Variants in IKBKB-DT observed in about 807,000 individuals in gnomAD.
The protein encoded by IKBKB-DT is IKBKB antisense RNA.
At chr8:42,250,120 G>A (rs1807113721) in intron 3 of IKBKB-DT, among the ~76,000 whole-genome samples, 1 of 152,206 alleles carries the variant, frequency 6.6e-6, no homozygotes, top group South Asian at 2.1e-4. Flanking sequence ...GTCTCCTAGG[G>A]CATTTGGGGG....
rs149316919 is a variant in IKBKB-DT, at chr8:42,267,344, A to G, written n.604-948T>C. Among the ~76,000 whole-genome samples, 27 of 152,070 alleles carry G rather than the reference A, an allele frequency of 1.8e-4. 1 individual carries two copies. The highest frequency in any genetic ancestry group is 6.5e-4 in the African/African-American group (27 of 41,494). On this transcript the variant is annotated intron_variant and non_coding_transcript_variant, in intron 1 of 3. Coordinates refer to ENST00000518213, the Ensembl canonical transcript of IKBKB-DT. The stretch of plus-strand genomic sequence containing the variant: ...CTTTCACTTTACTGACTCGCCCTGA[A>G]TTCTTTCTTGCGCGAGATCCAAGAA...
exon 1 of IKBKB-DT, chr8:42,271,223 C>A (rs2129959423): frequency 4.7e-6 from 3 of 641,756 alleles, no homozygotes; most frequent in Non-Finnish European, 8.5e-6. Context: ...GGGACAGGCG[C>A]AGCACTCGCA....
intron 3 of IKBKB-DT, among the ~76,000 whole-genome samples, chr8:42,237,119 C>T (rs902897308): frequency 6.6e-6 from 1 of 151,406 alleles, no homozygotes; most frequent in African/African-American, 2.4e-5. Context: ...GATGGAGTCT[C>T]ACTGTTGCCC....
chr8:42,236,241 T>A (rs1806920290), intron 3 of IKBKB-DT, among the ~76,000 whole-genome samples: 1 of 151,856 alleles, frequency 6.6e-6, no homozygotes, highest in Admixed American at 6.6e-5. Context: ...CCTCCAGCAA[T>A]CCACCCACCT....
intron 3 of IKBKB-DT, among the ~76,000 whole-genome samples, chr8:42,244,299 C>T (rs530965840): frequency 2.2e-4 from 34 of 152,206 alleles, no homozygotes; most frequent in African/African-American, 8.2e-4. Flanking sequence ...GTCAGTTATC[C>T]TATTTGGGAG....
At chr8:42,238,437 C>T (rs745731472) in intron 3 of IKBKB-DT, among the ~76,000 whole-genome samples, 22 of 152,158 alleles carry the variant, frequency 1.4e-4, no homozygotes, top group Non-Finnish European at 2.8e-4. Flanking sequence ...CTGACCCCCT[C>T]CTTGTTCAGG....
At chr8:42,268,083 T>C (rs1193224746) in intron 1 of IKBKB-DT, among the ~76,000 whole-genome samples, 2 of 151,798 alleles carry the variant, frequency 1.3e-5, no homozygotes, top group Non-Finnish European at 2.9e-5. Flanking sequence ...GACATTGTAC[T>C]GGAAATGGAC....
At chr8:42,240,414 G>A (rs1418409414) in intron 3 of IKBKB-DT, among the ~76,000 whole-genome samples, 1 of 151,696 alleles carries the variant, frequency 6.6e-6, no homozygotes, top group Non-Finnish European at 1.5e-5. Flanking sequence ...CACGAGGTCA[G>A]GAGATCGAGA....
chr8:42,245,092 C>CA (rs1308680238), intron 3 of IKBKB-DT, among the ~76,000 whole-genome samples: 1,463 of 139,876 alleles, frequency 0.01, 24 homozygotes, highest in African/African-American at 0.034. Context: ...TACTAAAATA[C>CA]AAAAAAAAAA....
chr8:42,244,241 A>G (rs894677982), intron 3 of IKBKB-DT, among the ~76,000 whole-genome samples: 3 of 152,236 alleles, frequency 2.0e-5, no homozygotes, highest in Non-Finnish European at 2.9e-5. Context: ...GAATGGATTA[A>G]TTATTTTTAA....
chr8:42,248,537 A>T (rs1807089813), intron 3 of IKBKB-DT, among the ~76,000 whole-genome samples: 1 of 152,154 alleles, frequency 6.6e-6, no homozygotes, highest in African/African-American at 2.4e-5. Context: ...TTTCACAAAC[A>T]TTTTCCATAA....
At chr8:42,240,603 C>A (rs1476136330) in intron 3 of IKBKB-DT, among the ~76,000 whole-genome samples, 3 of 119,624 alleles carry the variant, frequency 2.5e-5, no homozygotes, top group African/African-American at 1.0e-4. Context: ...CCAGCCTGAG[C>A]GACAGAGCAA....
At chr8:42,237,089 TTTTG>T (rs938252332) in intron 3 of IKBKB-DT, among the ~76,000 whole-genome samples, 10 of 151,150 alleles carry the variant, frequency 6.6e-5, no homozygotes, top group African/African-American at 2.2e-4. Flanking sequence ...AGTTTTTTTT[TTTTG>T]TTTGTTTGTT....
chr8:42,243,934 T>G (rs1212930282), intron 3 of IKBKB-DT, among the ~76,000 whole-genome samples: 1 of 152,206 alleles, frequency 6.6e-6, no homozygotes, highest in African/African-American at 2.4e-5. Flanking sequence ...ACTCAGATGA[T>G]GTAGGATCAC....
At chr8:42,247,298 C>T (rs980951786) in intron 3 of IKBKB-DT, among the ~76,000 whole-genome samples, 2 of 152,164 alleles carry the variant, frequency 1.3e-5, no homozygotes, top group Admixed American at 6.5e-5. Context: ...TTAATGACTG[C>T]CCTGCTGGAT....
chr8:42,250,438 T>C (rs1456173554), intron 3 of IKBKB-DT, among the ~76,000 whole-genome samples: 1 of 151,728 alleles, frequency 6.6e-6, no homozygotes, highest in Middle Eastern at 3.2e-3. Flanking sequence ...TGGCTGCCAA[T>C]CATTTACATC....
intron 3 of IKBKB-DT, among the ~76,000 whole-genome samples, chr8:42,237,649 A>G (rs932395236): frequency 1.3e-5 from 2 of 152,092 alleles, no homozygotes; most frequent in African/African-American, 4.8e-5. Flanking sequence ...AGTAAAGGCC[A>G]AGTGGGGGAC....
At chr8:42,252,328 C>T (rs1378976581) in intron 3 of IKBKB-DT, among the ~76,000 whole-genome samples, 1 of 152,206 alleles carries the variant, frequency 6.6e-6, no homozygotes, top group Non-Finnish European at 1.5e-5. Flanking sequence ...GGATGACCCA[C>T]TCAGGAGTCC....
At chr8:42,245,327 T>G (rs990742783) in intron 3 of IKBKB-DT, among the ~76,000 whole-genome samples, 1 of 152,188 alleles carries the variant, frequency 6.6e-6, no homozygotes, top group African/African-American at 2.4e-5. Context: ...TGGGAATACC[T>G]CACCCCCATG....
Sources: allele counts gnomAD v4.1 joint callset (sites outside exome capture counted in the v4.1 genomes callset), GRCh38; gene constraint gnomAD v4.1.1; transcripts MANE v1.5; gene names NCBI Gene and HGNC (gene_info 2026-07-23, HGNC 2026-07-21).